PCDHA12: variants seen among roughly 807,000 people sequenced by gnomAD.
PCDHA12 encodes protocadherin alpha 12.
Under a neutral mutation model 60.0 loss-of-function variants are expected in PCDHA12, and 44 were observed. The ratio of observed to expected loss-of-function variants is 0.73; its 90% CI spans 0.58 to 0.94. The LOEUF is 0.94. Ranked by LOEUF, PCDHA12 falls within the 40% of genes least tolerant of loss-of-function variation. The pLI is 0.00. For synonymous variants in PCDHA12, 569 were observed against 553.0 expected (o/e 1.03, Z -0.40); for missense variants, 1,276 against 1,239.7 (o/e 1.03, Z -0.44).
At chr5:140,978,462 G>T (rs939639463) in intron 1 of PCDHA12, among the ~76,000 whole-genome samples, 3 of 152,222 alleles carry the variant, frequency 2.0e-5, no homozygotes, top group Admixed American at 1.3e-4. Flanking sequence ...TCCGCCCTGG[G>T]TCAAATATGC....
chr5:140,981,603 C>T (rs1213864255), intron 2 of PCDHA12, among the ~76,000 whole-genome samples: 4 of 152,052 alleles, frequency 2.6e-5, no homozygotes, highest in Non-Finnish European at 5.9e-5. Context: ...CAAAATGTTC[C>T]TCTAATTTTG....
chr5:140,875,530 C>T lies in PCDHA12; in HGVS notation c.58C>T (p.Leu20Phe), dbSNP rs782004877. The change falls in exon 1 of 4, where the codon CTC becomes TTC. Residue 20 changes from leucine to phenylalanine, a missense_variant. Transcript: ENST00000398631. Reference sequence around the variant, plus strand: ...CCAGCGTCTGCTGCTCTCGCTTCTGCTCCTTGCAGCCTGGGAGGTGGGGAG... The same window carrying T: ...CCAGCGTCTGCTGCTCTCGCTTCTGTTCCTTGCAGCCTGGGAGGTGGGGAG... ...GSQRLLLSLL[L>F]LAAWEVGSGQ... 9 of 1,614,004 alleles carry T rather than the reference C, an allele frequency of 5.6e-6. No individual in the cohort carries two copies. The South Asian group carries it at 8.8e-5, about 16-fold the overall frequency.
chr5:140,990,834 A>G (rs1554251782), intron 3 of PCDHA12, among the ~76,000 whole-genome samples: 1 of 152,234 alleles, frequency 6.6e-6, no homozygotes, highest in East Asian at 1.9e-4. Flanking sequence ...AAAGCCTATT[A>G]GCAAAAATAG....
chr5:140,967,073 G>T, intron 1 of PCDHA12: 1 of 1,613,160 alleles, frequency 6.2e-7, no homozygotes, highest in Non-Finnish European at 8.5e-7. Flanking sequence ...CTTCGTCAAC[G>T]AGCGCATTGA....
At chr5:140,930,175 G>A (rs1554207630) in intron 1 of PCDHA12, 2 of 152,134 alleles carry the variant, frequency 1.3e-5, no homozygotes, top group African/African-American at 4.8e-5. Context: ...TTACAAAGAG[G>A]AAAGATGAGT....
intron 1 of PCDHA12, chr5:140,929,083 A>G (rs1554206659): frequency 1.2e-6 from 2 of 1,614,156 alleles, no homozygotes; most frequent in Admixed American, 3.3e-5. Context: ...TGGAAGTAAG[A>G]TGGTTTCAAA....
chr5:140,922,172 C>T (rs1466116071), intron 1 of PCDHA12, among the ~76,000 whole-genome samples: 2 of 134,528 alleles, frequency 1.5e-5, no homozygotes, highest in Non-Finnish European at 3.3e-5. Context: ...AAAAGTACAG[C>T]AGACAAAAAA....
intron 1 of PCDHA12, among the ~76,000 whole-genome samples, chr5:140,924,695 G>C (rs1190287077): frequency 2.6e-5 from 4 of 152,024 alleles, no homozygotes; most frequent in African/African-American, 9.7e-5. Context: ...AGGAGTTCGA[G>C]ACCAGCTTGT....
intron 1 of PCDHA12, among the ~76,000 whole-genome samples, chr5:140,935,416 A>G (rs35902736): frequency 0.059 from 8,919 of 152,326 alleles, 374 homozygotes; most frequent in Non-Finnish European, 0.083. Context: ...ATGGACTTAG[A>G]AAACAATTTC....
chr5:140,928,428 C>T (rs1273911750), intron 1 of PCDHA12: 2 of 1,614,026 alleles, frequency 1.2e-6, no homozygotes, highest in Non-Finnish European at 8.5e-7. Flanking sequence ...CCAAAACTTC[C>T]TTTGACTTTG....
chr5:141,001,360 A>G (rs1432580617), intron 3 of PCDHA12, among the ~76,000 whole-genome samples: 2 of 152,212 alleles, frequency 1.3e-5, no homozygotes, highest in Non-Finnish European at 2.9e-5. Flanking sequence ...GTTTAAGCCT[A>G]CTATTCTGAT....
At chr5:140,968,437 A>G (rs1267054987) in intron 1 of PCDHA12, 2 of 1,614,072 alleles carry the variant, frequency 1.2e-6, no homozygotes, top group Admixed American at 3.3e-5. Context: ...AGGGGAGCCC[A>G]CCACTGAGCA....
chr5:140,928,550 C>A (rs781857799), intron 1 of PCDHA12: 1 of 1,614,160 alleles, frequency 6.2e-7, no homozygotes, highest in South Asian at 1.1e-5. Flanking sequence ...GACAATTATC[C>A]GGTTATCTTG....
intron 1 of PCDHA12, chr5:140,927,600 C>T (rs1179735453): frequency 1.9e-6 from 3 of 1,614,042 alleles, no homozygotes; most frequent in African/African-American, 1.3e-5. Flanking sequence ...TTGAGCGCTC[C>T]GTATACCGCA....
Position 140,923,530 on chromosome 5 carries a change from A to G in PCDHA12, c.2367+45691A>G, listed in dbSNP as rs115719485. On this transcript the variant is annotated intron_variant, in intron 1 of 3. Coordinates refer to ENST00000398631, the MANE Select transcript of PCDHA12 (RefSeq NM_018903.4). ...GATGATGAAGTGAGATTCTGTCCCAAAAAAAGGACAAAATGAAATATCAGC... is the reference window on the plus strand; with the variant it reads ...GATGATGAAGTGAGATTCTGTCCCAGAAAAAGGACAAAATGAAATATCAGC... Among the ~76,000 whole-genome samples, 836 of 152,264 alleles carry G rather than the reference A, an allele frequency of 5.5e-3. 5 individuals carry two copies. The highest frequency in any genetic ancestry group is 0.019 in the African/African-American group (794 of 41,534).
intron 1 of PCDHA12, among the ~76,000 whole-genome samples, chr5:140,949,632 T>C (rs932981591): frequency 2.6e-5 from 4 of 151,894 alleles, no homozygotes; most frequent in Non-Finnish European, 5.9e-5. Flanking sequence ...TCATGGCATA[T>C]TGCTTTTTGT....
chr5:140,890,772 C>T (rs2062796545), intron 1 of PCDHA12, among the ~76,000 whole-genome samples: 1 of 152,118 alleles, frequency 6.6e-6, no homozygotes, highest in South Asian at 2.1e-4. Context: ...TATTTTAAAA[C>T]CCCATAAGAT....
rs1554169418 is a variant in PCDHA12 at position 140,877,179 on chromosome 5, G to C, written c.1707G>C (p.Pro569=). 3 of 1,613,712 alleles carry C rather than the reference G, an allele frequency of 1.9e-6. No individual in the cohort carries two copies. The South Asian group carries it at 3.3e-5, about 18-fold the overall frequency. ...NDNAPALLAT[P]AGSAGGAVSE... ...ACGCGCCGGCACTGCTGGCGACTCCGGCTGGCAGCGCAGGAGGCGCAGTTA... is the reference window on the plus strand; with the variant it reads ...ACGCGCCGGCACTGCTGGCGACTCCCGCTGGCAGCGCAGGAGGCGCAGTTA... Residue 569 remains proline, a synonymous_variant, in exon 1 of 4, where the codon CCG becomes CCC. Coordinates refer to ENST00000398631, the MANE Select transcript of PCDHA12 (RefSeq NM_018903.4).
At chr5:140,895,485 C>A (rs2065029754) in intron 1 of PCDHA12, among the ~76,000 whole-genome samples, 1 of 152,114 alleles carries the variant, frequency 6.6e-6, no homozygotes, top group African/African-American at 2.4e-5. Flanking sequence ...GGAGAAATAC[C>A]TATTCAGAAC....
Sources: allele counts gnomAD v4.1 joint callset (sites outside exome capture counted in the v4.1 genomes callset), GRCh38; gene constraint gnomAD v4.1.1; transcripts MANE v1.5; gene names NCBI Gene and HGNC (gene_info 2026-07-23, HGNC 2026-07-21).